ITPR2: variants seen among roughly 807,000 people sequenced by gnomAD.
The protein encoded by ITPR2 is inositol 1,4,5-trisphosphate-gated calcium channel ITPR2.
ITPR2 carries 207 observed loss-of-function variants against 317.1 expected under a neutral mutation model. That is an observed-to-expected ratio of 0.65 (90% confidence interval 0.58 to 0.73). The LOEUF is 0.73. ITPR2 is among the 30% of genes least tolerant of loss of function. ITPR2 has a pLI of 0.00. For missense variants in ITPR2, 2,613 were observed against 3,284.0 expected, an observed-to-expected ratio of 0.80 and a Z score of 4.99; for synonymous variants, 1,156 against 1,149.1, an observed-to-expected ratio of 1.01 and a Z score of -0.12.
chr12:26,580,256 A>T (rs543529095), intron 32 of ITPR2, 101 bp from the exon 33 acceptor site: 7 of 1,024,244 alleles, frequency 6.8e-6, no homozygotes, highest in African/African-American at 4.8e-5. Context: ...GTTGTCAGTA[A>T]CATTTCTTCT....
At chr12:26,536,139 TG>T (rs1181257199) in intron 37 of ITPR2, among the ~76,000 whole-genome samples, 2 of 152,232 alleles carry the variant, frequency 1.3e-5, no homozygotes, top group Non-Finnish European at 1.5e-5. Context: ...CCAAGATTTC[TG>T]GCTTCATTTG....
At chr12:26,821,958 G>C (rs997574474) in intron 1 of ITPR2, among the ~76,000 whole-genome samples, 3 of 152,084 alleles carry the variant, frequency 2.0e-5, no homozygotes, top group African/African-American at 7.2e-5. Flanking sequence ...TTTTTGTCAG[G>C]TTTTGTTTGC....
At chr12:26,550,431 G>A (rs1471319914) in intron 36 of ITPR2, 76 bp from the exon 37 acceptor site, 5 of 680,134 alleles carry the variant, frequency 7.4e-6, no homozygotes, top group African/African-American at 3.8e-5. Context: ...AAGGCCATAG[G>A]GGAAAAAATT....
chr12:26,658,781 GATA>G, intron 16 of ITPR2, among the ~76,000 whole-genome samples: 1 of 152,244 alleles, frequency 6.6e-6, no homozygotes, highest in East Asian at 1.9e-4. Context: ...CTAAAATGGG[GATA>G]ATAATATACA....
At chr12:26,786,779 TCATAC>T (rs947783547) in intron 2 of ITPR2, among the ~76,000 whole-genome samples, 20 of 152,204 alleles carry the variant, frequency 1.3e-4, no homozygotes, top group African/African-American at 4.3e-4. Context: ...CTTGAACAAA[TCATAC>T]CATGAGTATG....
At chr12:26,445,845 A>C (rs1425935708) in intron 45 of ITPR2, among the ~76,000 whole-genome samples, 1 of 152,200 alleles carries the variant, frequency 6.6e-6, no homozygotes, top group African/African-American at 2.4e-5. Context: ...ACAAAAGGGC[A>C]GGGATAAAGG....
chr12:26,722,289 T>A (rs1948851412), intron 5 of ITPR2, 108 bp downstream of exon 5: 4 of 923,602 alleles, frequency 4.3e-6, no homozygotes, highest in Non-Finnish European at 6.4e-6. Flanking sequence ...AAATCAGGTA[T>A]TGAGTAAAAA....
At chr12:26,427,699 G>A (rs1415217786) in intron 49 of ITPR2, among the ~76,000 whole-genome samples, 1 of 151,994 alleles carries the variant, frequency 6.6e-6, no homozygotes, top group Non-Finnish European at 1.5e-5. Context: ...TTCCCCAAAT[G>A]TTACTTCTTA....
At chr12:26,433,501 TG>T (rs1941274108) in intron 48 of ITPR2, among the ~76,000 whole-genome samples, 1 of 151,932 alleles carries the variant, frequency 6.6e-6, no homozygotes, top group African/African-American at 2.4e-5. Context: ...GTAGTGTAAT[TG>T]TTTTTTTCCA....
At position 26,549,457 on chromosome 12, in the gene ITPR2, C is replaced by A. The variant is rs11048574; in HGVS notation, c.5073+790G>T. On this transcript the variant is annotated intron_variant, in intron 37 of 56. Coordinates refer to ENST00000381340, the MANE Select transcript of ITPR2 (RefSeq NM_002223.4). Reference sequence around the variant, plus strand: ...AATTTAGCATATACATAAAGTAATACATAAAATCCTTCCAGTTTTAAAATA... The same window carrying A: ...AATTTAGCATATACATAAAGTAATAAATAAAATCCTTCCAGTTTTAAAATA... 4.2e-3 allele frequency among the ~76,000 whole-genome samples: 639 copies of A among 152,036 alleles called. 4 individuals carry two copies. The highest frequency in any genetic ancestry group is 8.0e-3 in the Admixed American group (123 of 15,280).
chr12:26,578,957 G>A, intron 33 of ITPR2, 124 bp from the exon 34 acceptor site: 2 of 934,942 alleles, frequency 2.1e-6, no homozygotes, highest in Admixed American at 5.5e-5. Flanking sequence ...AAGTTTCAGT[G>A]CTAGTTAATA....
chr12:26,590,425 T>C (rs769133958), intron 32 of ITPR2, among the ~76,000 whole-genome samples: 2 of 152,030 alleles, frequency 1.3e-5, no homozygotes, highest in African/African-American at 2.4e-5. Context: ...AAAAGACACA[T>C]AGACCAATGG....
intron 2 of ITPR2, among the ~76,000 whole-genome samples, chr12:26,745,149 G>C (rs546405098): frequency 3.6e-4 from 55 of 152,358 alleles, no homozygotes; most frequent in African/African-American, 1.1e-3. Flanking sequence ...ACGAACAACA[G>C]ACCTCCTGTG....
intron 1 of ITPR2, among the ~76,000 whole-genome samples, chr12:26,806,964 A>T (rs1950647944): frequency 6.6e-6 from 1 of 152,170 alleles, no homozygotes; most frequent in African/African-American, 2.4e-5. Flanking sequence ...CTTCTCTTTA[A>T]GAAATATATA....
At chr12:26,655,458 C>T (rs1176226929) in intron 20 of ITPR2, among the ~76,000 whole-genome samples, 7 of 151,496 alleles carry the variant, frequency 4.6e-5, no homozygotes, top group Admixed American at 4.6e-4. Flanking sequence ...ACTAAAAATA[C>T]AAAAAATTAG....
intron 55 of ITPR2, among the ~76,000 whole-genome samples, chr12:26,362,165 C>A (rs924184247): frequency 6.6e-6 from 1 of 152,144 alleles, no homozygotes; most frequent in Non-Finnish European, 1.5e-5. Context: ...GCTAAAGCTC[C>A]GTTAAGCAGG....
At chr12:26,682,726 A>C in intron 11 of ITPR2, 53 bp from the exon 12 acceptor site, 2 of 1,032,202 alleles carry the variant, frequency 1.9e-6, no homozygotes, top group Non-Finnish European at 3.0e-6. Flanking sequence ...GCACACTTAC[A>C]TATTAACATC....
chr12:26,374,424 A>G (rs1357980031), intron 55 of ITPR2, among the ~76,000 whole-genome samples: 1 of 152,230 alleles, frequency 6.6e-6, no homozygotes, highest in Non-Finnish European at 1.5e-5. Context: ...TATAGGTGCT[A>G]TGTATTTATT....
chr12:26,565,511 TAGATAGATAGATAGATAGAC>T (rs1441989789), intron 34 of ITPR2, among the ~76,000 whole-genome samples: 3 of 147,248 alleles, frequency 2.0e-5, no homozygotes, highest in African/African-American at 5.0e-5. Context: ...GATAGATAGA[TAGATAGATAGATAGATAGAC>T]AGACAGACAG....
Sources: gnomAD v4.1 joint callset for allele counts (sites outside exome capture counted in the v4.1 genomes callset) on GRCh38, gnomAD v4.1.1 for gene constraint, MANE v1.5 for transcripts, NCBI Gene and HGNC (gene_info 2026-07-23, HGNC 2026-07-21) for gene names.